CYS1: variants seen among roughly 807,000 people sequenced by gnomAD.
The protein encoded by CYS1 is cystin-1.
In CYS1, 5 loss-of-function variants were observed where a neutral mutation model predicts 9.6. That is an observed-to-expected ratio of 0.52 (90% CI 0.27 to 1.10). The LOEUF is 1.10. Among genes scored for constraint, CYS1 ranks in the 50% least tolerant of loss-of-function variants. The probability of loss-of-function intolerance (pLI) is 0.11; values close to 1 mark genes in which losing one functional copy is unlikely to be tolerated. For missense variants in CYS1, 221 were observed against 207.9 expected, an observed-to-expected ratio of 1.06 and a Z score of -0.39; for synonymous variants, 88 against 95.7, an observed-to-expected ratio of 0.92 and a Z score of 0.47.
chr2:10,059,958 G>A (rs1413861604), intron 2 of CYS1, among the ~76,000 whole-genome samples: 1 of 152,266 alleles, frequency 6.6e-6, no homozygotes, highest in African/African-American at 2.4e-5. Flanking sequence ...CAGACCTTCT[G>A]GACTTTGTGT....
chr2:10,058,824 A>C lies in CYS1; in HGVS notation c.*29T>G, dbSNP rs1661586841. ...GTGCCCCAGCCAGCAGGTGCCTCCG[A>C]GGCCTGGCGGGGGTGGAGCATGCTG... On this transcript the variant is annotated 3_prime_UTR_variant, in exon 3 of 3. Transcript: ENST00000381813. 6.5e-7 allele frequency: 1 copy of C among 1,530,632 alleles called. No homozygotes were observed. The highest frequency in any genetic ancestry group is 8.8e-7 in the Non-Finnish European group (1 of 1,133,690). The allele number at this position is 1,530,632 out of a possible 1,614,324, so 94.8% of individuals were successfully genotyped here.
chr2:10,060,327 G>A (rs1002411578), intron 2 of CYS1, among the ~76,000 whole-genome samples: 5 of 152,246 alleles, frequency 3.3e-5, no homozygotes, highest in Admixed American at 2.0e-4. Flanking sequence ...GGGCTGGGCT[G>A]GATGGACTTA....
At position 10,076,462 on chromosome 2, in the gene CYS1, G is replaced by A. The variant is rs751222126; in HGVS notation, c.318+3444C>T. ...TTCTCCATGAACTCCAGCCCAAGGC[G>A]CCTCCCACCACTCTCTGACCCATCT... On this transcript the variant is annotated intron_variant, in intron 1 of 2. Transcript: ENST00000381813. The surrounding 1 kb of genome is among the most constrained non-coding windows in gnomAD (Gnocchi z 4.3). 2.6e-5 allele frequency among the ~76,000 whole-genome samples: 4 copies of A among 152,006 alleles called. No individual in the cohort carries two copies. The highest frequency in any genetic ancestry group is 1.9e-4 in the East Asian group (1 of 5,186).
chr2:10,066,929 G>C (rs1385191732), intron 1 of CYS1, among the ~76,000 whole-genome samples: 2 of 152,046 alleles, frequency 1.3e-5, no homozygotes, highest in African/African-American at 4.8e-5. Flanking sequence ...TTATAAATAG[G>C]GAATATCTAT....
At chr2:10,064,561 A>C (rs1192989803) in intron 2 of CYS1, among the ~76,000 whole-genome samples, 2 of 152,144 alleles carry the variant, frequency 1.3e-5, no homozygotes, top group Non-Finnish European at 2.9e-5. Context: ...GTTTCCACTC[A>C]GCATTCAAGG....
chr2:10,066,409 CA>C (rs1412573390), intron 1 of CYS1, among the ~76,000 whole-genome samples: 3 of 152,220 alleles, frequency 2.0e-5, no homozygotes, highest in African/African-American at 7.2e-5. Context: ...CCCCGTATGT[CA>C]CCTCCAGGAA....
intron 2 of CYS1, among the ~76,000 whole-genome samples, chr2:10,062,593 G>A (rs756026111): frequency 3.3e-5 from 5 of 152,042 alleles, no homozygotes; most frequent in Non-Finnish European, 7.4e-5. Flanking sequence ...AGTAGAGATG[G>A]GGTTTCACCA....
chr2:10,072,396 T>A (rs1484492970), intron 1 of CYS1, among the ~76,000 whole-genome samples: 1 of 152,242 alleles, frequency 6.6e-6, no homozygotes, highest in Non-Finnish European at 1.5e-5. Flanking sequence ...GCCCAAAGGT[T>A]ACTTTTTAGA....
intron 2 of CYS1, among the ~76,000 whole-genome samples, chr2:10,062,637 A>G (rs1229046333): frequency 6.6e-6 from 1 of 152,144 alleles, no homozygotes; most frequent in Non-Finnish European, 1.5e-5. Context: ...TCTTGACCTC[A>G]GGTGATCTGC....
intron 1 of CYS1, among the ~76,000 whole-genome samples, chr2:10,070,335 C>G: frequency 6.6e-6 from 1 of 152,110 alleles, no homozygotes; most frequent in East Asian, 1.9e-4. Context: ...GATGGAGAAC[C>G]TGTTTTATTT....
At chr2:10,064,750 C>G (rs1280396799) in intron 2 of CYS1, among the ~76,000 whole-genome samples, 1 of 151,908 alleles carries the variant, frequency 6.6e-6, no homozygotes, top group Non-Finnish European at 1.5e-5. Context: ...CAGAGTCTCC[C>G]TCTGTCACCC....
chr2:10,073,577 G>C (rs377186343), intron 1 of CYS1, among the ~76,000 whole-genome samples: 1 of 152,196 alleles, frequency 6.6e-6, no homozygotes, highest in African/African-American at 2.4e-5. Flanking sequence ...GGTGGGAATC[G>C]GAATGGGTGG....
At chr2:10,070,875 C>T (rs1403745684) in intron 1 of CYS1, among the ~76,000 whole-genome samples, 1 of 152,194 alleles carries the variant, frequency 6.6e-6, no homozygotes, top group Non-Finnish European at 1.5e-5. Flanking sequence ...TACTCCTGAG[C>T]TCAAGCGATC....
At chr2:10,077,567 G>T (rs1661867603) in intron 1 of CYS1, among the ~76,000 whole-genome samples, 1 of 152,216 alleles carries the variant, frequency 6.6e-6, no homozygotes, top group Non-Finnish European at 1.5e-5. Flanking sequence ...GCTCACACCT[G>T]TAATCCCAGC....
intron 2 of CYS1, among the ~76,000 whole-genome samples, chr2:10,061,127 G>C (rs1198586211): frequency 1.3e-5 from 2 of 152,204 alleles, no homozygotes; most frequent in African/African-American, 4.8e-5. Flanking sequence ...AGCTACTCAG[G>C]AGGCTGAGGC....
intron 2 of CYS1, among the ~76,000 whole-genome samples, chr2:10,061,307 G>A (rs1209665634): frequency 1.3e-5 from 2 of 152,214 alleles, no homozygotes; most frequent in Non-Finnish European, 2.9e-5. Context: ...CCAGTACAGA[G>A]GAGAGACCCG....
chr2:10,074,456 G>A (rs10929631), intron 1 of CYS1, among the ~76,000 whole-genome samples: 18,940 of 151,792 alleles, frequency 0.12, 1,323 homozygotes, highest in Middle Eastern at 0.23. Context: ...GTCTCCCCCA[G>A]TACAACCTCC....
chr2:10,072,374 T>G (rs376281923), intron 1 of CYS1, among the ~76,000 whole-genome samples: 260 of 152,348 alleles, frequency 1.7e-3, no homozygotes, highest in Non-Finnish European at 2.9e-3. Flanking sequence ...TGAGCCACCG[T>G]GCCCGTGCCC....
At chr2:10,074,967 C>CT (rs1661822250) in intron 1 of CYS1, among the ~76,000 whole-genome samples, 1 of 152,192 alleles carries the variant, frequency 6.6e-6, no homozygotes, top group Non-Finnish European at 1.5e-5. Context: ...CAAAAATTAC[C>CT]TGGGCATGGT....
Sources: allele counts gnomAD v4.1 joint callset (sites outside exome capture counted in the v4.1 genomes callset), GRCh38; gene constraint gnomAD v4.1.1; non-coding constraint Gnocchi (gnomAD v3.1); transcripts MANE v1.5; gene names NCBI Gene and HGNC (gene_info 2026-07-23, HGNC 2026-07-21).